The following RIMBP2 variants were observed in gnomAD, a reference collection of about 807,000 sequenced individuals.
The protein encoded by RIMBP2 is RIMS-binding protein 2.
RIMBP2 carries 48 observed loss-of-function variants against 118.6 expected under a neutral mutation model. The observed-to-expected ratio is 0.40, with a 90% CI of 0.32 to 0.51. The LOEUF (loss-of-function observed/expected upper bound fraction) is 0.51, where lower values mean the gene tolerates loss of function less well. Ranked by LOEUF, RIMBP2 falls within the 20% of genes least tolerant of loss-of-function variation. The pLI, the probability that RIMBP2 is intolerant of heterozygous loss-of-function variation, is 0.41. For missense variants in RIMBP2, 1,551 were observed against 1,768.3 expected, an observed-to-expected ratio of 0.88 and a Z score of 2.20; for synonymous variants, 762 against 742.9, an observed-to-expected ratio of 1.03 and a Z score of -0.42.
intron 2 of RIMBP2, among the ~76,000 whole-genome samples, chr12:130,611,327 G>A (rs1429505593): frequency 6.6e-6 from 1 of 152,240 alleles, no homozygotes; most frequent in African/African-American, 2.4e-5. Flanking sequence ...TCTCCTCCCT[G>A]ATGATTGACG....
At chr12:130,501,878 C>T (rs1325880262) in intron 4 of RIMBP2, among the ~76,000 whole-genome samples, 1 of 152,232 alleles carries the variant, frequency 6.6e-6, no homozygotes, top group African/African-American at 2.4e-5. Flanking sequence ...TGCCCCGCAC[C>T]ACATCTACAT....
intron 5 of RIMBP2, among the ~76,000 whole-genome samples, chr12:130,477,629 C>T (rs1022320869): frequency 7.2e-5 from 11 of 152,186 alleles, no homozygotes; most frequent in African/African-American, 1.2e-4. Context: ...ATCCTTAATA[C>T]GATCTCATGC....
chr12:130,596,045 C>T (rs745831168), intron 2 of RIMBP2, among the ~76,000 whole-genome samples: 1 of 152,226 alleles, frequency 6.6e-6, no homozygotes, highest in Non-Finnish European at 1.5e-5. Context: ...GTAACCAACA[C>T]AGATGTTGCA....
intron 1 of RIMBP2, among the ~76,000 whole-genome samples, chr12:130,667,065 A>AAG (rs2063962484): frequency 5.3e-5 from 3 of 56,330 alleles, no homozygotes; most frequent in African/African-American, 2.2e-4. Context: ...GAAAAGGAAG[A>AAG]AGGGAGGGAG....
intron 2 of RIMBP2, among the ~76,000 whole-genome samples, chr12:130,580,196 TA>T (rs67458568): frequency 0.75 from 107,850 of 143,258 alleles, 41,063 homozygotes; most frequent in South Asian, 0.85. Flanking sequence ...AGACTCCATT[TA>T]AAAAAAAAAA....
At position 130,424,592 on chromosome 12, in the gene RIMBP2, G is replaced by A. The variant is rs545712015; in HGVS notation, c.2679C>T (p.Ala893=). 4.7e-4 allele frequency: 576 copies of A among 1,231,952 alleles called. 2 individuals carry two copies. In the African/African-American group the frequency reaches 6.6e-3, roughly 14 times the overall value. The allele number at this position is 1,231,952 out of a possible 1,614,324, so 76.3% of individuals were successfully genotyped here. Residue 893 remains alanine, a synonymous_variant, in exon 16 of 23, where the codon GCC becomes GCT. Transcript: ENST00000690449. This position sits in a 1 kb window ranked among gnomAD's most constrained non-coding sequence, Gnocchi z 9.8. ...WFPVKHRGSG[A]VPHVEDFLLE... is the part of the protein sequence containing the mutation. ...GAAGGAAGTCCTCCACGTGGGGGAC[G>A]GCCCCCGAGCCCCTGTGCTTCACCG...
intron 12 of RIMBP2, 31 bp downstream of exon 12, chr12:130,438,334 A>ATCCCCCCC: frequency 7.4e-7 from 1 of 1,344,516 alleles, no homozygotes; most frequent in Non-Finnish European, 1.1e-6. Context: ...GGGCCTAACA[A>ATCCCCCCC]ACCCTCCCCA....
intron 6 of RIMBP2, 100 bp downstream of exon 6, chr12:130,470,593 G>A: frequency 1.7e-6 from 1 of 601,412 alleles, no homozygotes; most frequent in Non-Finnish European, 2.4e-6. Context: ...GGTGCACCAG[G>A]CGCACTTCAT....
intron 2 of RIMBP2, among the ~76,000 whole-genome samples, chr12:130,592,973 C>G (rs569552210): frequency 6.6e-6 from 1 of 152,310 alleles, no homozygotes; most frequent in African/African-American, 2.4e-5. Flanking sequence ...ACCCACAAAC[C>G]TGGTCATCTC....
At chr12:130,448,670 AT>A (rs1395304428) in intron 9 of RIMBP2, among the ~76,000 whole-genome samples, 3 of 152,240 alleles carry the variant, frequency 2.0e-5, no homozygotes, top group African/African-American at 7.2e-5. Flanking sequence ...TCTGCATGCA[AT>A]AGCCTCTCAG....
chr12:130,520,940 A>G (rs868568171), intron 2 of RIMBP2, among the ~76,000 whole-genome samples: 10 of 152,238 alleles, frequency 6.6e-5, no homozygotes, highest in Non-Finnish European at 2.9e-5. Context: ...TACCCTGAAG[A>G]AGCCCAGAGG....
Position 130,442,787 on chromosome 12 carries a change from G to T in RIMBP2, c.692-127C>A. The stretch of plus-strand genomic sequence containing the variant: ...AACAGGGTTGCCCTGGGGCTCCTCC[G>T]CTGTTCCCAGGAGTCCATGCTGGGG... On this transcript the variant is annotated intron_variant, in intron 10 of 22. Transcript: ENST00000690449. This position sits in a 1 kb window ranked among gnomAD's most constrained non-coding sequence, Gnocchi z 6.9. The T allele has an allele frequency of 1.3e-6, 1 of 748,462 alleles. No homozygotes were observed. The highest frequency in any genetic ancestry group is 2.1e-6 in the Non-Finnish European group (1 of 466,836). 46.4% of individuals were successfully genotyped at this position (748,462 alleles called of 1,614,324 possible).
intron 1 of RIMBP2, among the ~76,000 whole-genome samples, chr12:130,662,180 C>G (rs544441285): frequency 1.2e-4 from 18 of 152,200 alleles, no homozygotes; most frequent in Non-Finnish European, 2.1e-4. Context: ...AAATTTCACC[C>G]TCAATCCAGC....
chr12:130,506,076 T>A (rs2050314301), intron 4 of RIMBP2, among the ~76,000 whole-genome samples: 1 of 151,872 alleles, frequency 6.6e-6, no homozygotes, highest in South Asian at 2.1e-4. Context: ...TCCAGAATGA[T>A]AATCCAATCA....
intron 2 of RIMBP2, among the ~76,000 whole-genome samples, chr12:130,585,814 C>T (rs2058848062): frequency 6.6e-6 from 1 of 152,180 alleles, no homozygotes; most frequent in African/African-American, 2.4e-5. Flanking sequence ...GCCCTGGACT[C>T]TGCAGGGTTC....
At chr12:130,566,611 C>G (rs1437146718) in intron 2 of RIMBP2, among the ~76,000 whole-genome samples, 1 of 152,178 alleles carries the variant, frequency 6.6e-6, no homozygotes, top group Non-Finnish European at 1.5e-5. Context: ...GCAACCGCAC[C>G]AGACAAGTTG....
intron 2 of RIMBP2, among the ~76,000 whole-genome samples, chr12:130,539,059 C>T (rs1207451233): frequency 6.6e-6 from 1 of 152,190 alleles, no homozygotes; most frequent in African/African-American, 2.4e-5. Flanking sequence ...ATATGGCCTG[C>T]AGGCCACATC....
chr12:130,595,751 C>A (rs1465112258), intron 2 of RIMBP2, among the ~76,000 whole-genome samples: 1 of 152,108 alleles, frequency 6.6e-6, no homozygotes. Flanking sequence ...AAGACAGCAC[C>A]CCTGGGGCTG....
chr12:130,514,764 T>C (rs2051269058), intron 3 of RIMBP2, among the ~76,000 whole-genome samples: 1 of 152,188 alleles, frequency 6.6e-6, no homozygotes, highest in South Asian at 2.1e-4. Flanking sequence ...TTATGATGCA[T>C]TCAGACCTCA....
Sources: allele counts gnomAD v4.1 joint callset (sites outside exome capture counted in the v4.1 genomes callset), GRCh38; gene constraint gnomAD v4.1.1; non-coding constraint Gnocchi (gnomAD v3.1); transcripts MANE v1.5; gene names NCBI Gene and HGNC (gene_info 2026-07-23, HGNC 2026-07-21).